Variants in STX18 observed in about 807,000 individuals in gnomAD.
STX18 encodes the protein syntaxin-18.
Under a neutral mutation model 50.1 loss-of-function variants are expected in STX18, and 40 were observed. The ratio of observed to expected loss-of-function variants is 0.80; its 90% confidence interval spans 0.62 to 1.04. The LOEUF (loss-of-function observed/expected upper bound fraction) is 1.04. Among genes scored for constraint, STX18 ranks in the 50% least tolerant of loss-of-function variants. The pLI, the probability that STX18 is intolerant of heterozygous loss-of-function variation, is 0.00. For synonymous variants in STX18, 158 were observed against 151.8 expected (o/e 1.04, Z -0.30); for missense variants, 410 against 415.8 (o/e 0.99, Z 0.12).
chr4:4,420,933 A>G lies in STX18; in HGVS notation c.843T>C (p.Ile281=), dbSNP rs776027651. 1.3e-5 allele frequency: 21 copies of G among 1,614,182 alleles called. No homozygotes were observed. The highest frequency in any genetic ancestry group is 1.7e-5 in the Non-Finnish European group (20 of 1,180,026). Residue 281 remains isoleucine (I), a synonymous_variant, in exon 10 of 11, where the codon ATT becomes ATC. Transcript: ENST00000306200. The surrounding 1 kb of genome is among the most constrained non-coding windows in gnomAD (Gnocchi z 4.3). ...TEKVLQQEAE[I]DSIHQLVVGA... ...CCACAACTAACTGGTGAATGCTGTC[A>G]ATCTCAGCTTCCTGTGGAAGAAAAG...
rs555674682 is a variant in STX18 at position 4,506,991 on chromosome 4, G to A, written c.168+34806C>T. ...TTCAGAGAACTGTATTAGCAAAAAG[G>A]TCAAGCTTACTGTATGCTAATCTAC... On this transcript the variant is annotated intron_variant, in intron 1 of 10. Coordinates refer to ENST00000306200, the MANE Select transcript of STX18 (RefSeq NM_016930.4). 1.2e-4 allele frequency: 42 copies of A among 342,824 alleles called. 1 individual carries two copies. Among genetic ancestry groups the A allele is most frequent in the South Asian group, 1.1e-3 (41 of 38,018 alleles). The allele number at this position is 342,824 out of a possible 1,614,324, so 21.2% of individuals were successfully genotyped here.
chr4:4,446,887 A>T (rs1726437037), intron 5 of STX18, among the ~76,000 whole-genome samples: 2 of 152,230 alleles, frequency 1.3e-5, no homozygotes, highest in Non-Finnish European at 2.9e-5. Context: ...AAATGGGAAC[A>T]CCTAAATGTC....
chr4:4,516,216 A>C (rs941049068), intron 1 of STX18, among the ~76,000 whole-genome samples: 1 of 152,188 alleles, frequency 6.6e-6, no homozygotes, highest in South Asian at 2.1e-4. Flanking sequence ...GGGGGAAAAA[A>C]GCACTGTTTT....
chr4:4,470,982 C>T (rs530852582), intron 2 of STX18, among the ~76,000 whole-genome samples: 1 of 152,294 alleles, frequency 6.6e-6, no homozygotes, highest in South Asian at 2.1e-4. Flanking sequence ...AGAAACTAGA[C>T]TTAGCCACCA....
At chr4:4,489,060 C>T (rs1728819875) in intron 1 of STX18, among the ~76,000 whole-genome samples, 1 of 152,000 alleles carries the variant, frequency 6.6e-6, no homozygotes, top group Non-Finnish European at 1.5e-5. Context: ...GATTTTTTTT[C>T]TCTTTTAGCA....
intron 1 of STX18, among the ~76,000 whole-genome samples, chr4:4,494,262 C>T (rs978054671): frequency 3.9e-5 from 6 of 152,064 alleles, no homozygotes; most frequent in Non-Finnish European, 7.4e-5. Flanking sequence ...CACAGTGTAC[C>T]CTTGGTCAAG....
At chr4:4,522,025 G>A (rs533579392) in intron 1 of STX18, among the ~76,000 whole-genome samples, 18 of 152,192 alleles carry the variant, frequency 1.2e-4, no homozygotes, top group Non-Finnish European at 2.5e-4. Context: ...GTACAGGACA[G>A]AGGGTACACA....
intron 1 of STX18, among the ~76,000 whole-genome samples, chr4:4,510,149 C>T (rs943243575): frequency 1.3e-5 from 2 of 152,084 alleles, no homozygotes; most frequent in Non-Finnish European, 2.9e-5. Flanking sequence ...TAATGGGTGC[C>T]TACTATGTGT....
intron 1 of STX18, among the ~76,000 whole-genome samples, chr4:4,508,065 C>T (rs996363078): frequency 9.2e-5 from 14 of 152,184 alleles, no homozygotes; most frequent in Admixed American, 2.6e-4. Flanking sequence ...GGCCTTCCAT[C>T]ACTGCTCAGG....
At chr4:4,531,062 T>C (rs1373373147) in intron 1 of STX18, among the ~76,000 whole-genome samples, 1 of 152,166 alleles carries the variant, frequency 6.6e-6, no homozygotes, top group East Asian at 1.9e-4. Flanking sequence ...TTTATTTTTT[T>C]CCCAAAGTGC....
At chr4:4,525,053 T>A (rs1314961126) in intron 1 of STX18, among the ~76,000 whole-genome samples, 1 of 152,178 alleles carries the variant, frequency 6.6e-6, no homozygotes, top group Admixed American at 6.5e-5. Context: ...CCAGACAGCA[T>A]CAGTCAGGCC....
At chr4:4,438,370 T>C in intron 6 of STX18, 24 bp downstream of exon 6, 2 of 1,547,242 alleles carry the variant, frequency 1.3e-6, no homozygotes, top group Non-Finnish European at 1.8e-6. Flanking sequence ...AAATGCAAGG[T>C]GAGATTTTCA....
chr4:4,457,784 A>T (rs150487283), intron 3 of STX18, among the ~76,000 whole-genome samples: 20 of 152,318 alleles, frequency 1.3e-4, no homozygotes, highest in East Asian at 1.2e-3. Context: ...TGCTGACCCC[A>T]TCTGTGTTAA....
chr4:4,501,115 C>T (rs181213960), intron 1 of STX18, among the ~76,000 whole-genome samples: 3 of 152,282 alleles, frequency 2.0e-5, no homozygotes, highest in Non-Finnish European at 4.4e-5. Flanking sequence ...TTTGTTTCTT[C>T]TAATTTTTCA....
chr4:4,475,701 C>T (rs1247612607), intron 1 of STX18, among the ~76,000 whole-genome samples: 5 of 152,172 alleles, frequency 3.3e-5, no homozygotes, highest in South Asian at 2.1e-4. Flanking sequence ...TGGCAAAGAC[C>T]GCATATTATA....
intron 1 of STX18, among the ~76,000 whole-genome samples, chr4:4,493,800 C>T (rs1421574824): frequency 6.6e-6 from 1 of 152,146 alleles, no homozygotes; most frequent in African/African-American, 2.4e-5. Context: ...AGGTGTTCTA[C>T]TAGAAATGTA....
intron 2 of STX18, among the ~76,000 whole-genome samples, chr4:4,469,112 C>T (rs191094735): frequency 1.3e-5 from 2 of 152,162 alleles, no homozygotes; most frequent in East Asian, 1.9e-4. Flanking sequence ...CACAGATGAG[C>T]ATTAGGAGAA....
At chr4:4,432,060 T>C (rs1319449886) in intron 7 of STX18, among the ~76,000 whole-genome samples, 2 of 152,236 alleles carry the variant, frequency 1.3e-5, no homozygotes, top group African/African-American at 4.8e-5. Flanking sequence ...TGCAGGGCAC[T>C]TTAAGGTGTT....
chr4:4,447,539 C>T (rs1170911928), intron 5 of STX18, among the ~76,000 whole-genome samples: 8 of 127,668 alleles, frequency 6.3e-5, no homozygotes, highest in Non-Finnish European at 1.1e-4. Context: ...TGCAGTGAGC[C>T]GAGATCGCGC....
Sources: allele counts gnomAD v4.1 joint callset (sites outside exome capture counted in the v4.1 genomes callset), GRCh38; gene constraint gnomAD v4.1.1; non-coding constraint Gnocchi (gnomAD v3.1); transcripts MANE v1.5; gene names NCBI Gene and HGNC (gene_info 2026-07-23, HGNC 2026-07-21).